OLFM2: variants seen among roughly 807,000 people sequenced by gnomAD.
OLFM2 encodes the protein olfactomedin 2, also known as noelin-2.
A neutral mutation model predicts 43.9 loss-of-function variants in OLFM2; 20 were observed. The observed-to-expected ratio is 0.46, with a 90% confidence interval of 0.32 to 0.66. The LOEUF (loss-of-function observed/expected upper bound fraction) is 0.66. Among genes scored for constraint, OLFM2 ranks in the 30% least tolerant of loss-of-function variants. The pLI is 0.04. For missense variants in OLFM2, 416 were observed against 643.6 expected, an observed-to-expected ratio of 0.65 and a Z score of 3.83; for synonymous variants, 268 against 278.6, an observed-to-expected ratio of 0.96 and a Z score of 0.38.
intron 1 of OLFM2, chr19:9,913,774 G>C (rs1211580506): frequency 1.5e-6 from 1 of 661,156 alleles, no homozygotes; most frequent in Admixed American, 6.0e-5. Context: ...ACGGGGTGAG[G>C]GGGGGCTCGG....
At chr19:9,918,256 T>G (rs2086398547) in intron 1 of OLFM2, among the ~76,000 whole-genome samples, 1 of 151,952 alleles carries the variant, frequency 6.6e-6, no homozygotes, top group African/African-American at 2.4e-5. Context: ...AGTGGTGCAA[T>G]CATAGCTCAC....
At chr19:9,924,406 CAAAAAAA>C (rs1166738814) in intron 1 of OLFM2, among the ~76,000 whole-genome samples, 18 of 25,782 alleles carry the variant, frequency 7.0e-4, no homozygotes, top group South Asian at 1.9e-3. Context: ...ACTCTGTCTC[CAAAAAAA>C]AAAAAAAAAA....
At chr19:9,914,319 G>A (rs1210708124) in intron 1 of OLFM2, among the ~76,000 whole-genome samples, 1 of 152,100 alleles carries the variant, frequency 6.6e-6, no homozygotes, top group Non-Finnish European at 1.5e-5. Flanking sequence ...CGACACGCTC[G>A]TGCGCTCCCA....
rs538222845 is a variant in OLFM2 at position 9,872,309 on chromosome 19, C to T, written c.64-11515G>A. 9.2e-4 allele frequency among the ~76,000 whole-genome samples: 140 copies of T among 152,092 alleles called. 1 individual carries two copies. The highest frequency in any genetic ancestry group is 1.6e-3 in the Non-Finnish European group (111 of 67,984). ...GGCAGATGGCTTGAGCTTAGGAGTT[C>T]GGGACCAGCCTGGGCAATATGGTAA... On this transcript the variant is annotated intron_variant, in intron 1 of 5. Coordinates refer to ENST00000264833, the MANE Select transcript of OLFM2 (RefSeq NM_058164.4).
At position 9,856,939 on chromosome 19, in the gene OLFM2, A is replaced by C; in HGVS notation, c.581-26T>G. ...CTGGGAGGCAGGAACAGGGGGAATG[A>C]GGATGGGGAAATGAACAGCCCAAGA... On this transcript the variant is annotated intron_variant, in intron 4 of 5. Transcript: ENST00000264833. The surrounding 1 kb of genome is among the most constrained non-coding windows in gnomAD (Gnocchi z 4.0). 1 of 1,555,188 alleles carries C rather than the reference A, an allele frequency of 6.4e-7. No individual in the cohort carries two copies. Among genetic ancestry groups the C allele is most frequent in the Non-Finnish European group, 8.8e-7 (1 of 1,137,928 alleles).
intron 1 of OLFM2, among the ~76,000 whole-genome samples, chr19:9,925,413 C>T (rs1019424894): frequency 2.6e-5 from 4 of 152,174 alleles, no homozygotes; most frequent in East Asian, 3.9e-4. Flanking sequence ...AAAACATTAT[C>T]GTAGTTCTTC....
intron 1 of OLFM2, among the ~76,000 whole-genome samples, chr19:9,868,309 G>A (rs562595571): frequency 3.3e-5 from 5 of 151,930 alleles, no homozygotes; most frequent in South Asian, 2.1e-4. Flanking sequence ...TGATCTGCCC[G>A]CCTTACCCTC....
chr19:9,889,477 T>C (rs978370894), intron 1 of OLFM2, among the ~76,000 whole-genome samples: 1 of 152,050 alleles, frequency 6.6e-6, no homozygotes, highest in Non-Finnish European at 1.5e-5. Flanking sequence ...CTCAAACTCC[T>C]GGGCTCAAGC....
At chr19:9,874,592 TG>T (rs999567468) in intron 1 of OLFM2, among the ~76,000 whole-genome samples, 13 of 152,164 alleles carry the variant, frequency 8.5e-5, no homozygotes, top group Admixed American at 2.0e-4. Context: ...GCGATTCTCC[TG>T]CCTCAGCCTC....
chr19:9,877,599 G>A (rs1029240857), intron 1 of OLFM2, among the ~76,000 whole-genome samples: 3 of 151,814 alleles, frequency 2.0e-5, no homozygotes, highest in Non-Finnish European at 4.4e-5. Context: ...AATAAAAAAA[G>A]TAACAGTGTT....
rs754706097 is a variant in OLFM2, at chr19:9,857,670, C to T, written c.360+45G>A. The T allele has an allele frequency of 5.6e-6, 9 of 1,613,614 alleles. No homozygotes were observed. In the Admixed American group the frequency reaches 1.5e-4, roughly 27 times the overall value. ...TTGTAGGAACTAATGGATACCAAAT[C>T]CCAGTCATTTGTTTGACCTCTGGTC... is the stretch of plus-strand genomic sequence containing the variant. On this transcript the variant is annotated intron_variant, in intron 3 of 5. Coordinates refer to ENST00000264833, the MANE Select transcript of OLFM2 (RefSeq NM_058164.4). The surrounding 1 kb of genome is among the most constrained non-coding windows in gnomAD (Gnocchi z 5.7).
intron 1 of OLFM2, among the ~76,000 whole-genome samples, chr19:9,882,120 T>C (rs918630896): frequency 2.0e-5 from 3 of 151,948 alleles, no homozygotes; most frequent in Non-Finnish European, 4.4e-5. Flanking sequence ...GCACCACTAA[T>C]CTCAGCTACT....
At chr19:9,933,067 G>T (rs2086493343) in intron 1 of OLFM2, among the ~76,000 whole-genome samples, 1 of 152,038 alleles carries the variant, frequency 6.6e-6, no homozygotes, top group Non-Finnish European at 1.5e-5. Context: ...CACCAAGCTT[G>T]TTCTTACCCC....
At chr19:9,890,336 C>T (rs151249162) in intron 1 of OLFM2, among the ~76,000 whole-genome samples, 103 of 152,270 alleles carry the variant, frequency 6.8e-4, no homozygotes, top group African/African-American at 2.4e-3. Flanking sequence ...AGGGAGATCC[C>T]CCTGATGTAT....
At chr19:9,913,827 T>G in intron 1 of OLFM2, 1 of 312,332 alleles carries the variant, frequency 3.2e-6, no homozygotes, top group Non-Finnish European at 4.7e-6. Flanking sequence ...GCTCCTCTTA[T>G]AAAGCGCCGG....
intron 1 of OLFM2, among the ~76,000 whole-genome samples, chr19:9,918,526 T>A (rs948070383): frequency 6.6e-6 from 1 of 152,134 alleles, no homozygotes. Flanking sequence ...CAATTCCATC[T>A]ACCCAAGAGA....
intron 1 of OLFM2, among the ~76,000 whole-genome samples, chr19:9,893,058 C>T (rs1380071654): frequency 6.6e-6 from 1 of 152,184 alleles, no homozygotes; most frequent in Non-Finnish European, 1.5e-5. Context: ...TCTCTTAGAA[C>T]CAGGTTTCTC....
chr19:9,878,425 T>C (rs1050463468), intron 1 of OLFM2, among the ~76,000 whole-genome samples: 2 of 146,104 alleles, frequency 1.4e-5, no homozygotes, highest in African/African-American at 5.3e-5. Context: ...GTTTCACTCT[T>C]GTCACCCGGG....
intron 1 of OLFM2, among the ~76,000 whole-genome samples, chr19:9,864,412 T>C (rs2046384984): frequency 6.6e-6 from 1 of 152,126 alleles, no homozygotes; most frequent in South Asian, 2.1e-4. Context: ...GCGATTTTCA[T>C]GCCTCAGCCT....
Sources: allele counts gnomAD v4.1 joint callset (sites outside exome capture counted in the v4.1 genomes callset), GRCh38; gene constraint gnomAD v4.1.1; non-coding constraint Gnocchi (gnomAD v3.1); transcripts MANE v1.5; gene names NCBI Gene and HGNC (gene_info 2026-07-23, HGNC 2026-07-21).